Variants in SAMD4B observed in about 807,000 individuals in gnomAD.
The protein encoded by SAMD4B is protein Smaug homolog 2.
In SAMD4B, 5 loss-of-function variants were observed where a neutral mutation model predicts 74.5. The ratio of observed to expected loss-of-function variants is 0.07; its 90% CI spans 0.04 to 0.14. The LOEUF is 0.14. Among genes scored for constraint, SAMD4B ranks in the 10% least tolerant of loss-of-function variants. The probability of loss-of-function intolerance (pLI) is 1.00; values close to 1 mark genes in which losing one functional copy is unlikely to be tolerated. For synonymous variants in SAMD4B, 373 were observed against 374.9 expected (o/e 1.00, Z 0.06); for missense variants, 608 against 921.8 (o/e 0.66, Z 4.41).
At chr19:39,368,787 A>G (rs904865061) in intron 3 of SAMD4B, among the ~76,000 whole-genome samples, 1 of 152,208 alleles carries the variant, frequency 6.6e-6, no homozygotes, top group Non-Finnish European at 1.5e-5. Context: ...TCAAAGCAAC[A>G]CTGTGAATTG....
At chr19:39,379,868 C>T in intron 9 of SAMD4B, 98 bp from the exon 10 acceptor site, 1 of 1,062,314 alleles carries the variant, frequency 9.4e-7, no homozygotes, top group Admixed American at 2.2e-5. Flanking sequence ...CCACGCCCGG[C>T]CAGGCAATAA....
intron 3 of SAMD4B, among the ~76,000 whole-genome samples, chr19:39,361,981 A>G (rs1484421669): frequency 6.6e-6 from 1 of 152,124 alleles, no homozygotes; most frequent in African/African-American, 2.4e-5. Flanking sequence ...GGTCCCTTCA[A>G]ACCTGGAGAG....
At position 39,380,091 on chromosome 19, in the gene SAMD4B, G is replaced by A. The variant is rs758631941; in HGVS notation, c.1649+7G>A. 38 of 1,610,168 alleles carry A rather than the reference G, an allele frequency of 2.4e-5. No individual in the cohort carries two copies. The East Asian group carries it at 3.3e-4, about 14-fold the overall frequency. On this transcript the variant is annotated splice_region_variant and intron_variant, in intron 10 of 13. Coordinates refer to ENST00000610417, the MANE Select transcript of SAMD4B (RefSeq NM_001384574.2). ...ACTACCGGCAGCAGAAAGGGTAGGC[G>A]GGTGGCCAGGTTACAGGGACCTGCC...
chr19:39,382,692 T>C (rs1412628310), intron 12 of SAMD4B, among the ~76,000 whole-genome samples: 1 of 152,014 alleles, frequency 6.6e-6, no homozygotes, highest in Non-Finnish European at 1.5e-5. Context: ...TTGAGAAGTG[T>C]GGTTTGAGGA....
downstream of SAMD4B, chr19:39,388,235 A>G (rs796956025): frequency 9.8e-6 from 11 of 1,118,892 alleles, no homozygotes; most frequent in African/African-American, 1.5e-4. Flanking sequence ...ACCAATGCAT[A>G]TGACAAATTC....
downstream of SAMD4B, chr19:39,390,057 C>T: frequency 1.9e-6 from 3 of 1,604,982 alleles, no homozygotes; most frequent in Non-Finnish European, 2.6e-6. Context: ...TTTTCCCATT[C>T]CTTAGTCTCA....
At chr19:39,364,034 C>G (rs986999755) in intron 3 of SAMD4B, among the ~76,000 whole-genome samples, 1 of 152,192 alleles carries the variant, frequency 6.6e-6, no homozygotes, top group Non-Finnish European at 1.5e-5. Context: ...TCATGGGAGG[C>G]CCGCCCTCCC....
Position 39,342,551 on chromosome 19 carries a change from C to CGGCGGTGGCGGCGAAGGCCGA in SAMD4B, c.-284_-267+3dup, listed in dbSNP as rs2075362808. 1 of 160,482 alleles carries CGGCGGTGGCGGCGAAGGCCGA rather than the reference C, an allele frequency of 6.2e-6. No homozygotes were observed. Among genetic ancestry groups the CGGCGGTGGCGGCGAAGGCCGA allele is most frequent in the African/African-American group, 2.4e-5 (1 of 40,862 alleles). The allele number at this position is 160,482 out of a possible 1,614,324, so 9.9% of individuals were successfully genotyped here. A position where few individuals can be genotyped will look rare whatever the true frequency, so the allele number is the denominator to read the frequency against. ...CGGTGGCCTGAGGAGGCCCGAGCGG[C>CGGCGGTGGCGGCGAAGGCCGA]GGCGGTGGCGGCGAAGGCCGAGGCG... On this transcript the variant is annotated 5_prime_UTR_variant, in exon 1 of 14. Transcript: ENST00000610417.
At position 39,383,739 on chromosome 19, in the gene SAMD4B, G is replaced by A; in HGVS notation, c.*212G>A. 4 of 1,532,624 alleles carry A rather than the reference G, an allele frequency of 2.6e-6. No individual in the cohort carries two copies. The highest frequency in any genetic ancestry group is 3.5e-6 in the Non-Finnish European group (4 of 1,144,052). The allele number at this position is 1,532,624 out of a possible 1,614,324, so 94.9% of individuals were successfully genotyped here. ...CGAGGGATCTCTGCTGAGGCCCGGG[G>A]AGTTGGGGGCAGCCAGGATAAAGGG... is the stretch of plus-strand genomic sequence containing the variant. On this transcript the variant is annotated 3_prime_UTR_variant, in exon 14 of 14. Coordinates refer to ENST00000610417, the MANE Select transcript of SAMD4B (RefSeq NM_001384574.2). The surrounding 1 kb of genome is among the most constrained non-coding windows in gnomAD (Gnocchi z 4.1).
At chr19:39,371,632 C>T (rs559594255) in intron 4 of SAMD4B, among the ~76,000 whole-genome samples, 1 of 152,228 alleles carries the variant, frequency 6.6e-6, no homozygotes, top group Admixed American at 6.5e-5. Flanking sequence ...GCCTGACCAA[C>T]ATGGTGAAAC....
At chr19:39,373,605 G>A (rs2077428317) in intron 4 of SAMD4B, among the ~76,000 whole-genome samples, 1 of 152,142 alleles carries the variant, frequency 6.6e-6, no homozygotes, top group Non-Finnish European at 1.5e-5. Flanking sequence ...CGAGGCAGAG[G>A]AAAAAGCACA....
chr19:39,359,070 C>A (rs1255230457), intron 3 of SAMD4B, among the ~76,000 whole-genome samples: 5 of 152,204 alleles, frequency 3.3e-5, no homozygotes, highest in Admixed American at 3.3e-4. Flanking sequence ...TCAGCTGCAG[C>A]AGGCTCGGAG....
intron 3 of SAMD4B, among the ~76,000 whole-genome samples, chr19:39,359,703 A>G (rs1353072650): frequency 6.6e-6 from 1 of 152,184 alleles, no homozygotes; most frequent in East Asian, 1.9e-4. Context: ...GGGTCACACA[A>G]TTGATAAGAG....
rs36270 is a variant in SAMD4B at position 39,384,305 on chromosome 19, T to G, written c.*778T>G. 1 of 152,332 alleles carries G rather than the reference T, an allele frequency of 6.6e-6. No homozygotes were observed. Among genetic ancestry groups the G allele is most frequent in the Non-Finnish European group, 1.5e-5 (1 of 68,014 alleles). 9.4% of individuals were successfully genotyped at this position (152,332 alleles called of 1,614,324 possible). ...GGGCAGAGCCCCCTCCTCCAGACCC[T>G]CAAGCTCTAACCCATTTTCCTCCAG... On this transcript the variant is annotated 3_prime_UTR_variant, in exon 14 of 14. Transcript: ENST00000610417.
chr19:39,370,232 T>A, intron 4 of SAMD4B, 107 bp downstream of exon 4: 1 of 1,115,918 alleles, frequency 9.0e-7, no homozygotes, highest in Non-Finnish European at 1.3e-6. Flanking sequence ...ACATAAGCTG[T>A]AGGCCTCAAC....
intron 11 of SAMD4B, 46 bp from the exon 12 acceptor site, chr19:39,380,944 G>A: frequency 6.4e-7 from 1 of 1,561,882 alleles, no homozygotes; most frequent in Non-Finnish European, 8.7e-7. Context: ...TTGGGTCTGG[G>A]CCTCTTCTGC....
chr19:39,360,151 A>C (rs1600537744), intron 3 of SAMD4B: 1 of 151,626 alleles, frequency 6.6e-6, no homozygotes, highest in Non-Finnish European at 1.5e-5. Flanking sequence ...GTACCACTGC[A>C]CTCCAGCCTG....
chr19:39,350,624 A>T (rs1323485159), intron 1 of SAMD4B: 1 of 151,946 alleles, frequency 6.6e-6, no homozygotes, highest in African/African-American at 2.4e-5. Context: ...AGTAGCTGGG[A>T]TTACAGGCGC....
chr19:39,386,796 G>A, downstream of SAMD4B: 1 of 1,610,116 alleles, frequency 6.2e-7, no homozygotes, highest in East Asian at 2.2e-5. The surrounding 1 kb of genome is among the most constrained non-coding windows in gnomAD (Gnocchi z 6.1). Context: ...TACTAAGGCG[G>A]ACCCTGCAGG....
Sources: gnomAD v4.1 joint callset for allele counts (sites outside exome capture counted in the v4.1 genomes callset) on GRCh38, gnomAD v4.1.1 for gene constraint, Gnocchi (gnomAD v3.1) non-coding constraint, MANE v1.5 for transcripts, NCBI Gene and HGNC (gene_info 2026-07-23, HGNC 2026-07-21) for gene names.